The following TMEM131L variants were observed in gnomAD, a reference collection of about 807,000 sequenced individuals.
TMEM131L encodes transmembrane 131 like, also known as transmembrane protein 131-like.
A neutral mutation model predicts 192.2 loss-of-function variants in TMEM131L; 54 were observed. That is an observed-to-expected ratio of 0.28 (90% CI 0.23 to 0.35). The LOEUF is 0.35. Among genes scored for constraint, TMEM131L ranks in the 10% least tolerant of loss-of-function variants. The pLI, the probability that TMEM131L is intolerant of heterozygous loss-of-function variation, is 1.00. For synonymous variants in TMEM131L, 701 were observed against 704.9 expected (o/e 0.99, Z 0.09); for missense variants, 1,888 against 1,972.9 (o/e 0.96, Z 0.82).
intron 3 of TMEM131L, among the ~76,000 whole-genome samples, chr4:153,535,203 G>A (rs1736221862): frequency 6.6e-6 from 1 of 152,168 alleles, no homozygotes; most frequent in Non-Finnish European, 1.5e-5. Context: ...GTGAGAAAGA[G>A]AACAGTTAGG....
intron 21 of TMEM131L, chr4:153,601,905 C>T (rs1259014498): frequency 3.8e-6 from 1 of 261,588 alleles, no homozygotes; most frequent in East Asian, 7.6e-5. Context: ...CTTTTTGTAT[C>T]TTGGTAGAGC....
chr4:153,549,659 C>T lies in TMEM131L; in HGVS notation c.240-414C>T, dbSNP rs1203419101. 3.3e-5 allele frequency among the ~76,000 whole-genome samples: 5 copies of T among 152,148 alleles called. No individual in the cohort carries two copies. The East Asian group carries it at 7.7e-4, about 23-fold the overall frequency. On this transcript the variant is annotated intron_variant, in intron 3 of 34. Transcript: ENST00000409959. ...GATGGTTGTAGCCTCACCAGCTATG[C>T]GACACTGTCCTTGCCTTGTTATAAG...
At chr4:153,527,802 TC>T (rs1279843974) in intron 3 of TMEM131L, among the ~76,000 whole-genome samples, 2 of 152,162 alleles carry the variant, frequency 1.3e-5, no homozygotes, top group African/African-American at 4.8e-5. Flanking sequence ...GCCTGGAGTG[TC>T]ATCTTGGGCC....
chr4:153,576,360 C>T (rs934784104), intron 7 of TMEM131L, among the ~76,000 whole-genome samples: 12 of 152,090 alleles, frequency 7.9e-5, no homozygotes, highest in African/African-American at 2.9e-4. Flanking sequence ...TAGAACTCCC[C>T]CTTGTGGGAT....
Position 153,603,805 on chromosome 4 carries a change from CA to C in TMEM131L, c.2795del (p.Asn932IlefsTer23). 6.4e-7 allele frequency: 1 copy of C among 1,573,606 alleles called. No homozygotes were observed. The highest frequency in any genetic ancestry group is 8.6e-7 in the Non-Finnish European group (1 of 1,165,504). ...DVISPHSYKSNCKNFLDTYGP... is the reference protein window; with the variant it reads ...DVISPHSYKSXCKNFLDTYGP... Reference sequence around the variant, plus strand: ...ATGTTTTTCTTCTTAAATTCAGAAGCAATTGCAAGAACTTTCTCGATACATA... The same window carrying C: ...ATGTTTTTCTTCTTAAATTCAGAAGCATTGCAAGAACTTTCTCGATACATA... On this transcript the variant is annotated frameshift_variant, in exon 25 of 35. Coordinates refer to ENST00000409959, the MANE Select transcript of TMEM131L (RefSeq NM_001131007.2). LOFTEE classifies it high-confidence loss of function.
chr4:153,579,755 G>A (rs74983944), intron 7 of TMEM131L, among the ~76,000 whole-genome samples: 1,529 of 152,304 alleles, frequency 0.01, 97 homozygotes, highest in Admixed American at 0.091. Context: ...TTACAGATGT[G>A]AACCACTACT....
At position 153,596,384 on chromosome 4, in the gene TMEM131L, C is replaced by T. The variant is rs1053447856; in HGVS notation, c.2122C>T (p.Arg708Trp). 4.3e-6 allele frequency: 7 copies of T among 1,613,146 alleles called. No individual in the cohort carries two copies. The highest frequency in any genetic ancestry group is 1.7e-5 in the Admixed American group (1 of 59,968). Reference protein sequence around the residue: ...YGKVTSLILIRNNLTVIDMIG... With the variant: ...YGKVTSLILIWNNLTVIDMIG... ...AAAAGTTACCTCACTCATACTAATC[C>T]GGTAGGTGTGTTCCTGTTGTAGAAT... Residue 708 changes from arginine to tryptophan, a missense_variant and splice_region_variant, in exon 20 of 35, where the codon CGG (arginine) becomes TGG (tryptophan). By Grantham distance (101) the Arg-to-Trp change is moderately radical. Coordinates refer to ENST00000409959, the MANE Select transcript of TMEM131L (RefSeq NM_001131007.2).
intron 4 of TMEM131L, among the ~76,000 whole-genome samples, chr4:153,551,355 T>C (rs1737605513): frequency 7.6e-6 from 1 of 130,824 alleles, no homozygotes; most frequent in African/African-American, 3.7e-5. Flanking sequence ...AGAATGAACT[T>C]GGAATTTTTT....
At chr4:153,624,367 C>T (rs1310110169) in intron 29 of TMEM131L, among the ~76,000 whole-genome samples, 1 of 152,228 alleles carries the variant, frequency 6.6e-6, no homozygotes, top group Non-Finnish European at 1.5e-5. Context: ...GATCTGCCCG[C>T]CTTGGCCTCC....
At chr4:153,471,596 C>G (rs1339674467) in intron 2 of TMEM131L, among the ~76,000 whole-genome samples, 1 of 152,154 alleles carries the variant, frequency 6.6e-6, no homozygotes. Context: ...GAAGGGCAGT[C>G]TAGAATCTGT....
chr4:153,600,368 GA>G (rs34507956), intron 21 of TMEM131L, among the ~76,000 whole-genome samples: 7,010 of 125,666 alleles, frequency 0.056, 238 homozygotes, highest in Admixed American at 0.12. Flanking sequence ...CCCTGTCTCA[GA>G]AAAAAAAAAA....
At chr4:153,583,972 A>T (rs1467723427) in intron 11 of TMEM131L, among the ~76,000 whole-genome samples, 1 of 152,252 alleles carries the variant, frequency 6.6e-6, no homozygotes, top group East Asian at 1.9e-4. Context: ...GCTGTTTTTG[A>T]GGGAAAATTG....
chr4:153,508,446 C>T (rs556823660), intron 3 of TMEM131L, among the ~76,000 whole-genome samples: 5 of 152,098 alleles, frequency 3.3e-5, no homozygotes, highest in South Asian at 2.1e-4. Flanking sequence ...AAAATTATGT[C>T]GATATTCCAT....
chr4:153,542,484 C>T (rs895199806), intron 3 of TMEM131L, among the ~76,000 whole-genome samples: 1 of 152,216 alleles, frequency 6.6e-6, no homozygotes, highest in Non-Finnish European at 1.5e-5. Context: ...CATTCCCATT[C>T]AGCCACCCCA....
chr4:153,503,528 TTAGGATA>T (rs1733754213), intron 3 of TMEM131L, among the ~76,000 whole-genome samples: 1 of 152,180 alleles, frequency 6.6e-6, no homozygotes, highest in African/African-American at 2.4e-5. Context: ...AAAAAACCTG[TTAGGATA>T]TACTATTGGG....
At chr4:153,622,556 G>A (rs756464427) in intron 28 of TMEM131L, among the ~76,000 whole-genome samples, 3 of 152,138 alleles carry the variant, frequency 2.0e-5, no homozygotes, top group Non-Finnish European at 2.9e-5. Flanking sequence ...AAAGAGAGGG[G>A]GAAAATCACC....
intron 7 of TMEM131L, among the ~76,000 whole-genome samples, chr4:153,561,635 A>G (rs1178153635): frequency 6.6e-6 from 1 of 152,090 alleles, no homozygotes; most frequent in Admixed American, 6.5e-5. Context: ...TGTACATTGA[A>G]TTGTCTTGGT....
intron 3 of TMEM131L, among the ~76,000 whole-genome samples, chr4:153,520,965 A>C (rs981017745): frequency 6.6e-6 from 1 of 152,178 alleles, no homozygotes; most frequent in African/African-American, 2.4e-5. Context: ...GTGTGTCTGC[A>C]TTAAAGGAAT....
rs764208768 is a variant in TMEM131L, at chr4:153,557,013, T to C, written c.480T>C (p.Pro160=). The C allele has an allele frequency of 9.4e-6, 15 of 1,603,356 alleles. No homozygotes were observed. The South Asian group carries it at 1.4e-4, about 15-fold the overall frequency. ...CTTCCTTCAGAATTATTTTCTTACC[T>C]ACTGAAGAAGGAAGCATTGAAAGTT... The part of the protein sequence containing the change: ...GKTSFRIIFL[P]TEEGSIESSL... Residue 160 remains proline, a synonymous_variant, in exon 6 of 35, where the codon CCT becomes CCC. Coordinates refer to ENST00000409959, the MANE Select transcript of TMEM131L (RefSeq NM_001131007.2).
Sources: allele counts gnomAD v4.1 joint callset (sites outside exome capture counted in the v4.1 genomes callset), GRCh38; gene constraint gnomAD v4.1.1; transcripts MANE v1.5; gene names NCBI Gene and HGNC (gene_info 2026-07-23, HGNC 2026-07-21).